BRINP3: variants seen among roughly 807,000 people sequenced by gnomAD.
The protein encoded by BRINP3 is BMP/retinoic acid-inducible neural-specific protein 3.
In BRINP3, 19 loss-of-function variants were observed where a neutral mutation model predicts 71.0. The ratio of observed to expected loss-of-function variants is 0.27; its 90% confidence interval spans 0.19 to 0.39. The LOEUF is 0.39. Among genes scored for constraint, BRINP3 ranks in the 10% least tolerant of loss-of-function variants. The pLI is 1.00. For missense variants in BRINP3, 959 were observed against 940.8 expected (o/e 1.02, Z -0.25); for synonymous variants, 380 against 337.7 (o/e 1.13, Z -1.37).
chr1:190,118,030 C>T (rs561488985), intron 7 of BRINP3, among the ~76,000 whole-genome samples: 1 of 151,950 alleles, frequency 6.6e-6, no homozygotes, highest in Non-Finnish European at 1.5e-5. Flanking sequence ...TGGTTAGAAC[C>T]AAATGCATTA....
chr1:190,323,974 G>T (rs1237441426), intron 2 of BRINP3, among the ~76,000 whole-genome samples: 2 of 151,940 alleles, frequency 1.3e-5, no homozygotes, highest in Admixed American at 6.6e-5. Flanking sequence ...TGGCATTACA[G>T]AGAGGAACAC....
intron 2 of BRINP3, among the ~76,000 whole-genome samples, chr1:190,296,362 A>C (rs1664255101): frequency 6.6e-6 from 1 of 152,092 alleles, no homozygotes; most frequent in Non-Finnish European, 1.5e-5. Flanking sequence ...GTTTCACAAA[A>C]TTCAACATTC....
chr1:190,344,543 TTACTAAA>T (rs2103123658), intron 2 of BRINP3, among the ~76,000 whole-genome samples: 1 of 151,986 alleles, frequency 6.6e-6, no homozygotes, highest in East Asian at 1.9e-4. Context: ...CTCTGAATCA[TTACTAAA>T]TATTAATGTC....
intron 4 of BRINP3, among the ~76,000 whole-genome samples, chr1:190,254,760 T>C (rs554120873): frequency 4.3e-4 from 65 of 152,314 alleles, no homozygotes; most frequent in African/African-American, 1.5e-3. Flanking sequence ...TTGATACCAT[T>C]TATTTCTTTC....
chr1:190,398,215 A>G (rs1043435138), intron 2 of BRINP3, among the ~76,000 whole-genome samples: 1 of 151,928 alleles, frequency 6.6e-6, no homozygotes, highest in African/African-American at 2.4e-5. Flanking sequence ...TCTTGAGTAA[A>G]AAGGAGTTGT....
chr1:190,444,100 G>A (rs748464032), intron 2 of BRINP3, among the ~76,000 whole-genome samples: 1 of 151,974 alleles, frequency 6.6e-6, no homozygotes, highest in South Asian at 2.1e-4. Flanking sequence ...GGGGGTGGTG[G>A]CCCATGCCTG....
intron 2 of BRINP3, among the ~76,000 whole-genome samples, chr1:190,417,985 G>T (rs1193365801): frequency 1.3e-5 from 2 of 152,134 alleles, no homozygotes; most frequent in Non-Finnish European, 2.9e-5. Flanking sequence ...TATGAATTTA[G>T]ATAATTAGTT....
intron 2 of BRINP3, among the ~76,000 whole-genome samples, chr1:190,318,139 C>A (rs995811280): frequency 2.0e-5 from 3 of 151,988 alleles, no homozygotes; most frequent in Admixed American, 6.6e-5. Flanking sequence ...TAAGTTTAAT[C>A]TTAATAGTAG....
chr1:190,221,462 C>T (rs906066228), intron 6 of BRINP3, among the ~76,000 whole-genome samples: 3 of 151,758 alleles, frequency 2.0e-5, no homozygotes, highest in African/African-American at 7.3e-5. Context: ...AACACACTAC[C>T]AATGAAAATC....
chr1:190,233,127 T>A (rs543525796), intron 5 of BRINP3, among the ~76,000 whole-genome samples: 64 of 152,248 alleles, frequency 4.2e-4, no homozygotes, highest in East Asian at 7.7e-4. Context: ...AATTTTTTTT[T>A]AATTTTTTAG....
Position 190,199,780 on chromosome 1 carries a change from A to AAC in BRINP3, c.961+26301_961+26302insGT, listed in dbSNP as rs1553258129. On this transcript the variant is annotated intron_variant, in intron 6 of 7. Transcript: ENST00000367462. ...TCTTGTCAAGGCATAGGAAAAAAAA[A>AAC]AAAACAAAAACAAAAACAAACAAAA... Among the ~76,000 whole-genome samples the AAC allele has an allele frequency of 6.2e-5, 9 of 146,198 alleles. No individual in the cohort carries two copies. In the South Asian group the frequency reaches 1.2e-3, roughly 20 times the overall value.
chr1:190,305,429 A>T (rs1382707067), intron 2 of BRINP3, among the ~76,000 whole-genome samples: 2 of 151,638 alleles, frequency 1.3e-5, no homozygotes, highest in Admixed American at 6.6e-5. Flanking sequence ...GCATAAAAAA[A>T]CTCCTGTCAT....
intron 6 of BRINP3, among the ~76,000 whole-genome samples, chr1:190,168,747 T>C (rs1224579387): frequency 2.0e-5 from 3 of 152,174 alleles, no homozygotes; most frequent in Admixed American, 6.5e-5. Context: ...AGAGTATTCA[T>C]ATTCCATCTC....
At chr1:190,433,254 T>A (rs186490221) in intron 2 of BRINP3, among the ~76,000 whole-genome samples, 65 of 152,292 alleles carry the variant, frequency 4.3e-4, no homozygotes, top group African/African-American at 1.5e-3. Context: ...CAAGGAACCT[T>A]TTAAGAAGTA....
chr1:190,317,327 C>T (rs528019746), intron 2 of BRINP3, among the ~76,000 whole-genome samples: 1 of 152,062 alleles, frequency 6.6e-6, no homozygotes, highest in African/African-American at 2.4e-5. Context: ...CCAAGGGCAG[C>T]TATTCAGTTT....
At chr1:190,403,305 A>G (rs1253831296) in intron 2 of BRINP3, among the ~76,000 whole-genome samples, 3 of 152,222 alleles carry the variant, frequency 2.0e-5, no homozygotes, top group African/African-American at 7.2e-5. Context: ...GCTTAAATAG[A>G]AAACATTTAT....
chr1:190,113,219 C>T (rs1042355516), intron 7 of BRINP3, among the ~76,000 whole-genome samples: 11 of 151,958 alleles, frequency 7.2e-5, no homozygotes, highest in African/African-American at 2.7e-4. Context: ...TCTTCTTCCA[C>T]TCCTCCTCAT....
rs544863207 is a variant in BRINP3 at position 190,327,181 on chromosome 1, G to T, written c.237-45431C>A. Reference sequence around the variant, plus strand: ...AATACAAAAATTAGACAGGCGTTTTGTTGGGCACCTGTAATCCCGGCTACT... The same window carrying T: ...AATACAAAAATTAGACAGGCGTTTTTTTGGGCACCTGTAATCCCGGCTACT... On this transcript the variant is annotated intron_variant, in intron 2 of 7. Transcript: ENST00000367462. 2.1e-4 allele frequency among the ~76,000 whole-genome samples: 32 copies of T among 151,340 alleles called. 2 individuals carry two copies. The East Asian group carries it at 5.6e-3, about 27-fold the overall frequency.
chr1:190,391,002 G>A (rs1005701184), intron 2 of BRINP3, among the ~76,000 whole-genome samples: 1 of 151,782 alleles, frequency 6.6e-6, no homozygotes, highest in African/African-American at 2.4e-5. Context: ...GTATGGCTGT[G>A]GCAAATCTAT....
Sources: allele counts gnomAD v4.1 joint callset (sites outside exome capture counted in the v4.1 genomes callset), GRCh38; gene constraint gnomAD v4.1.1; transcripts MANE v1.5; gene names NCBI Gene and HGNC (gene_info 2026-07-23, HGNC 2026-07-21).